CDC42BPA: variants seen among roughly 807,000 people sequenced by gnomAD.
The protein encoded by CDC42BPA is serine/threonine-protein kinase MRCK alpha.
CDC42BPA carries 80 observed loss-of-function variants against 223.5 expected under a neutral mutation model. That is an observed-to-expected ratio of 0.36 (90% CI 0.30 to 0.43). The LOEUF (loss-of-function observed/expected upper bound fraction) is 0.43, where lower values mean the gene tolerates loss of function less well. Ranked by LOEUF, CDC42BPA falls within the 20% of genes least tolerant of loss-of-function variation. The pLI is 1.00. For synonymous variants in CDC42BPA, 694 were observed against 718.6 expected (o/e 0.97, Z 0.55); for missense variants, 1,743 against 2,099.9 (o/e 0.83, Z 3.32).
intron 2 of CDC42BPA, among the ~76,000 whole-genome samples, chr1:227,231,828 G>T (rs1392102582): frequency 1.3e-5 from 2 of 152,164 alleles, no homozygotes; most frequent in Admixed American, 6.5e-5. Context: ...TTTTGATGGG[G>T]TTGTTTGATT....
intron 5 of CDC42BPA, among the ~76,000 whole-genome samples, chr1:227,174,468 A>G (rs1370808647): frequency 6.6e-6 from 1 of 152,192 alleles, no homozygotes; most frequent in Non-Finnish European, 1.5e-5. Context: ...GCACATACCA[A>G]TCCTTCATGA....
At chr1:227,101,377 A>G (rs497291) in intron 14 of CDC42BPA, 138 bp from the exon 15 acceptor site, 136,404 of 506,528 alleles carry the variant, frequency 0.27, 19,123 homozygotes, top group African/African-American at 0.35. Context: ...TCTATGTTAA[A>G]TCTACTAACT....
At chr1:227,243,480 C>T (rs957527144) in intron 2 of CDC42BPA, among the ~76,000 whole-genome samples, 2 of 152,082 alleles carry the variant, frequency 1.3e-5, no homozygotes, top group African/African-American at 4.8e-5. Flanking sequence ...ATAAAGTGAA[C>T]TTTGACCTAT....
intron 5 of CDC42BPA, among the ~76,000 whole-genome samples, chr1:227,179,463 C>G (rs372634732): frequency 6.6e-6 from 1 of 151,186 alleles, no homozygotes; most frequent in Non-Finnish European, 1.5e-5. Context: ...GGTGAAACTC[C>G]GTCTCTACTA....
At chr1:227,178,808 T>C (rs1273361801) in intron 5 of CDC42BPA, among the ~76,000 whole-genome samples, 2 of 152,202 alleles carry the variant, frequency 1.3e-5, no homozygotes, top group Admixed American at 6.5e-5. Flanking sequence ...TATGTCTTTG[T>C]TAGCAGCATG....
chr1:227,119,257 G>C (rs1377301141), intron 12 of CDC42BPA, among the ~76,000 whole-genome samples: 5 of 152,056 alleles, frequency 3.3e-5, no homozygotes, highest in Non-Finnish European at 7.4e-5. Context: ...CTATTGGGCT[G>C]TGTTACAGAG....
At chr1:227,261,127 T>TCTTTC in intron 1 of CDC42BPA, among the ~76,000 whole-genome samples, 1 of 140,524 alleles carries the variant, frequency 7.1e-6, no homozygotes, top group South Asian at 2.3e-4. Flanking sequence ...AGTTTTTCTT[T>TCTTTC]TTTTTTGAGA....
chr1:227,175,144 T>G (rs1417106138), intron 5 of CDC42BPA, among the ~76,000 whole-genome samples: 1 of 152,186 alleles, frequency 6.6e-6, no homozygotes, highest in African/African-American at 2.4e-5. Context: ...GAAATATATT[T>G]TCGTGTACAT....
chr1:227,312,342 T>G (rs140130331), intron 1 of CDC42BPA, among the ~76,000 whole-genome samples: 1 of 152,184 alleles, frequency 6.6e-6, no homozygotes, highest in Admixed American at 6.5e-5. Flanking sequence ...TGAGCTAAAT[T>G]ATTTTATCCT....
chr1:227,258,565 A>G (rs890672116), intron 1 of CDC42BPA, among the ~76,000 whole-genome samples: 2 of 151,078 alleles, frequency 1.3e-5, no homozygotes, highest in South Asian at 4.1e-4. Flanking sequence ...ATTACTGAGC[A>G]CTCCATTCAT....
At chr1:227,155,294 C>T (rs940802053) in intron 6 of CDC42BPA, among the ~76,000 whole-genome samples, 6 of 152,138 alleles carry the variant, frequency 3.9e-5, no homozygotes, top group African/African-American at 1.4e-4. Flanking sequence ...CAACATAATG[C>T]CTTCTAAATT....
chr1:227,145,108 C>T (rs1388560072), intron 8 of CDC42BPA, among the ~76,000 whole-genome samples: 1 of 151,878 alleles, frequency 6.6e-6, no homozygotes, highest in East Asian at 1.9e-4. Context: ...TGTATCAGGC[C>T]CTGACATGGT....
At chr1:227,032,714 G>A (rs2148676958) in intron 27 of CDC42BPA, among the ~76,000 whole-genome samples, 1 of 152,282 alleles carries the variant, frequency 6.6e-6, no homozygotes, top group African/African-American at 2.4e-5. Flanking sequence ...TGGGAGCTCA[G>A]CCAGCCTACC....
intron 5 of CDC42BPA, among the ~76,000 whole-genome samples, chr1:227,168,940 A>C (rs1169872046): frequency 1.3e-5 from 2 of 152,094 alleles, no homozygotes; most frequent in Non-Finnish European, 2.9e-5. Context: ...AAACCTTGTG[A>C]TATTTTCTAA....
At chr1:227,062,596 A>G (rs1676150037) in intron 21 of CDC42BPA, among the ~76,000 whole-genome samples, 1 of 152,198 alleles carries the variant, frequency 6.6e-6, no homozygotes, top group African/African-American at 2.4e-5. Context: ...TAAGACTTCA[A>G]ACTTAAATAT....
rs1200525512 is a variant in CDC42BPA, at chr1:227,299,558, C to T, written c.178+17447G>A. 2.0e-5 allele frequency among the ~76,000 whole-genome samples: 3 copies of T among 152,186 alleles called. No homozygotes were observed. In the East Asian group the frequency reaches 5.8e-4, roughly 29 times the overall value. Reference sequence around the variant, plus strand: ...GTAAATATATAATGTTATCTAGATACACTGATTAATATCTGCTTTAAATTC... The same window carrying T: ...GTAAATATATAATGTTATCTAGATATACTGATTAATATCTGCTTTAAATTC... On this transcript the variant is annotated intron_variant, in intron 1 of 36. Coordinates refer to ENST00000366766, the MANE Select transcript of CDC42BPA (RefSeq NM_001394014.1).
At chr1:227,081,092 T>G (rs533300956) in intron 16 of CDC42BPA, 75 bp from the exon 17 acceptor site, 3 of 1,475,934 alleles carry the variant, frequency 2.0e-6, no homozygotes, top group Admixed American at 3.7e-5. Context: ...ATTGTCAAAT[T>G]TGATTACTCA....
chr1:227,026,236 C>T, intron 30 of CDC42BPA, 84 bp from the exon 31 acceptor site: 2 of 706,430 alleles, frequency 2.8e-6, no homozygotes, highest in Non-Finnish European at 4.8e-6. Flanking sequence ...CACTAAATAA[C>T]TGTAGAGTGG....
intron 1 of CDC42BPA, among the ~76,000 whole-genome samples, chr1:227,296,897 C>G (rs1047732472): frequency 2.6e-5 from 4 of 151,238 alleles, no homozygotes; most frequent in African/African-American, 9.7e-5. Context: ...AAAAAGCAAC[C>G]TACAGAATGG....
Sources: gnomAD v4.1 joint callset for allele counts (sites outside exome capture counted in the v4.1 genomes callset) on GRCh38, gnomAD v4.1.1 for gene constraint, MANE v1.5 for transcripts, NCBI Gene and HGNC (gene_info 2026-07-23, HGNC 2026-07-21) for gene names.